The following ME1 variants were observed in gnomAD, a reference collection of about 807,000 sequenced individuals.
ME1 encodes NADP-dependent malic enzyme.
In ME1, 74 loss-of-function variants were observed where a neutral mutation model predicts 66.4. The ratio of observed to expected loss-of-function variants is 1.11; its 90% confidence interval spans 0.92 to 1.35. The LOEUF (loss-of-function observed/expected upper bound fraction) is 1.35, where lower values mean the gene tolerates loss of function less well. ME1 is among the 40% of genes most tolerant of loss of function. The pLI, the probability that ME1 is intolerant of heterozygous loss-of-function variation, is 0.00. For synonymous variants in ME1, 251 were observed against 235.6 expected, an observed-to-expected ratio of 1.07 and a Z score of -0.60; for missense variants, 750 against 694.1, an observed-to-expected ratio of 1.08 and a Z score of -0.90.
intron 5 of ME1, among the ~76,000 whole-genome samples, chr6:83,329,812 T>A (rs1033047761): frequency 6.6e-6 from 1 of 152,194 alleles, no homozygotes; most frequent in Non-Finnish European, 1.5e-5. Context: ...TCTCTTTTTT[T>A]ATGTCTTCTT....
intron 1 of ME1, among the ~76,000 whole-genome samples, chr6:83,412,447 A>G (rs1278574904): frequency 6.6e-6 from 1 of 152,218 alleles, no homozygotes; most frequent in East Asian, 1.9e-4. Context: ...AGGCAATCAA[A>G]AAAATGTGTC....
At chr6:83,274,100 T>G (rs772548187) in intron 6 of ME1, among the ~76,000 whole-genome samples, 3 of 152,232 alleles carry the variant, frequency 2.0e-5, no homozygotes, top group Non-Finnish European at 2.9e-5. Context: ...AATGCTCTGC[T>G]AATAATGAAA....
chr6:83,423,522 G>T (rs947624994), intron 1 of ME1, among the ~76,000 whole-genome samples: 1 of 152,130 alleles, frequency 6.6e-6, no homozygotes, highest in Admixed American at 6.5e-5. Flanking sequence ...GTTAGGGCCA[G>T]GCACAGTGGC....
At chr6:83,244,157 C>T (rs1487139333) in intron 7 of ME1, among the ~76,000 whole-genome samples, 4 of 151,774 alleles carry the variant, frequency 2.6e-5, no homozygotes, top group East Asian at 3.9e-4. Context: ...GTATCAGGAG[C>T]GAGATTGGAA....
At chr6:83,396,725 A>G (rs977855904) in intron 3 of ME1, among the ~76,000 whole-genome samples, 1 of 152,172 alleles carries the variant, frequency 6.6e-6, no homozygotes, top group Non-Finnish European at 1.5e-5. Flanking sequence ...TTCAAAATAT[A>G]CTGTTAAGTT....
At chr6:83,252,752 GA>G (rs1376031599) in intron 7 of ME1, among the ~76,000 whole-genome samples, 1 of 152,144 alleles carries the variant, frequency 6.6e-6, no homozygotes, top group African/African-American at 2.4e-5. Flanking sequence ...ATTTAAAAAT[GA>G]AGTGTTTTGT....
intron 9 of ME1, among the ~76,000 whole-genome samples, chr6:83,230,793 C>A (rs1420748343): frequency 2.6e-5 from 4 of 151,840 alleles, no homozygotes; most frequent in Admixed American, 1.3e-4. Flanking sequence ...ATTAGCTGGG[C>A]GTGGTGGCAG....
At chr6:83,364,232 T>C (rs1769058153) in intron 3 of ME1, among the ~76,000 whole-genome samples, 2 of 152,192 alleles carry the variant, frequency 1.3e-5, no homozygotes, top group Non-Finnish European at 2.9e-5. Flanking sequence ...TAGCCTCCCC[T>C]ACCCTACATC....
intron 6 of ME1, among the ~76,000 whole-genome samples, chr6:83,292,815 TG>T (rs1188317566): frequency 6.6e-6 from 1 of 152,130 alleles, no homozygotes; most frequent in Non-Finnish European, 1.5e-5. Context: ...GCTTACACTG[TG>T]AGCATAGAAC....
At chr6:83,314,985 G>A (rs1048088123) in intron 6 of ME1, among the ~76,000 whole-genome samples, 1 of 151,986 alleles carries the variant, frequency 6.6e-6, no homozygotes, top group Admixed American at 6.6e-5. Context: ...ACAGATTGTC[G>A]ATAAATGTAA....
chr6:83,279,038 A>G (rs1562467465), intron 6 of ME1, among the ~76,000 whole-genome samples: 1 of 152,144 alleles, frequency 6.6e-6, no homozygotes, highest in Non-Finnish European at 1.5e-5. Context: ...GGGCTCTGGT[A>G]TAATAACAGC....
At chr6:83,419,692 C>A (rs866621228) in intron 1 of ME1, among the ~76,000 whole-genome samples, 1 of 151,994 alleles carries the variant, frequency 6.6e-6, no homozygotes, top group Non-Finnish European at 1.5e-5. Context: ...TATTAAGAAC[C>A]ATTCACCTCA....
At chr6:83,370,079 A>G (rs1769168399) in intron 3 of ME1, among the ~76,000 whole-genome samples, 1 of 152,188 alleles carries the variant, frequency 6.6e-6, no homozygotes, top group Non-Finnish European at 1.5e-5. Context: ...ATCAAAAATA[A>G]AAACTTAGGT....
In ME1 at chr6:83,329,782, TCTTA is replaced by T. The variant is rs535193142; in HGVS notation, c.601-14373_601-14370del. Among the ~76,000 whole-genome samples, 141 of 152,322 alleles carry T rather than the reference TCTTA, an allele frequency of 9.3e-4. 1 individual carries two copies. Among genetic ancestry groups the T allele is most frequent in the Non-Finnish European group, 3.4e-4 (23 of 68,018 alleles). On this transcript the variant is annotated intron_variant, in intron 5 of 13. Coordinates refer to ENST00000369705, the MANE Select transcript of ME1 (RefSeq NM_002395.6). Reference sequence around the variant, plus strand: ...TTTGTATAGTGGAGATTTCACATTTTCTTACTTACTTTAAAGTGTTCTCTTTTTT... The same window carrying T: ...TTTGTATAGTGGAGATTTCACATTTTCTTACTTTAAAGTGTTCTCTTTTTT...
At chr6:83,279,400 T>G (rs181618916) in intron 6 of ME1, among the ~76,000 whole-genome samples, 215 of 152,236 alleles carry the variant, frequency 1.4e-3, no homozygotes, top group Non-Finnish European at 2.7e-3. Flanking sequence ...GAATTTGAAA[T>G]AACTATGATT....
chr6:83,346,197 A>G lies in ME1; in HGVS notation c.576T>C (p.Ile192=). The G allele has an allele frequency of 6.2e-7, 1 of 1,609,304 alleles. No individual in the cohort carries two copies. The highest frequency in any genetic ancestry group is 8.5e-7 in the Non-Finnish European group (1 of 1,177,254). Residue 192 remains isoleucine, a synonymous_variant, in exon 5 of 14, where the codon ATT becomes ATC. Coordinates refer to ENST00000369705, the MANE Select transcript of ME1 (RefSeq NM_002395.6). ...CCTCATTTTCGGTTCCCACATCCAG[A>G]ATGACAGGCAGACATTCTTGAGGAT... The part of the protein sequence containing the change: ...GMNPQECLPV[I]LDVGTENEEL...
At chr6:83,249,514 T>C (rs571033791) in intron 7 of ME1, among the ~76,000 whole-genome samples, 2 of 152,296 alleles carry the variant, frequency 1.3e-5, no homozygotes, top group East Asian at 1.9e-4. Flanking sequence ...TGTGAGCCAC[T>C]GTGCCTGGCC....
intron 7 of ME1, among the ~76,000 whole-genome samples, chr6:83,242,621 C>T (rs368662260): frequency 8.3e-4 from 127 of 152,222 alleles, no homozygotes; most frequent in African/African-American, 2.9e-3. Context: ...GGATGACTCC[C>T]TGTTAGAAAT....
chr6:83,249,652 T>A lies in ME1; in HGVS notation c.814+3977A>T, dbSNP rs550095961. ...CATTTTACATTTAAACTTTCTTTGA[T>A]CACCTCATTTCCAATAGCATTCACC... On this transcript the variant is annotated intron_variant, in intron 7 of 13. Coordinates refer to ENST00000369705, the MANE Select transcript of ME1 (RefSeq NM_002395.6). 3.9e-5 allele frequency among the ~76,000 whole-genome samples: 6 copies of A among 152,344 alleles called. No homozygotes were observed. The East Asian group carries it at 1.2e-3, about 29-fold the overall frequency.
Sources: allele counts gnomAD v4.1 joint callset (sites outside exome capture counted in the v4.1 genomes callset), GRCh38; gene constraint gnomAD v4.1.1; transcripts MANE v1.5; gene names NCBI Gene and HGNC (gene_info 2026-07-23, HGNC 2026-07-21).